FAM120C: variants seen among roughly 807,000 people sequenced by gnomAD.
FAM120C encodes constitutive coactivator of PPAR-gamma-like protein 2.
A neutral mutation model predicts 71.2 loss-of-function variants in FAM120C; 14 were observed. That is an observed-to-expected ratio of 0.20 (90% CI 0.13 to 0.31). The LOEUF (loss-of-function observed/expected upper bound fraction) is 0.31. Ranked by LOEUF, FAM120C falls within the 10% of genes least tolerant of loss-of-function variation. FAM120C has a pLI of 1.00. For missense variants in FAM120C, 500 were observed against 879.0 expected, an observed-to-expected ratio of 0.57 and a Z score of 5.45; for synonymous variants, 354 against 353.2, an observed-to-expected ratio of 1.00 and a Z score of -0.03.
chrX:54,164,232 T>A (rs782578198), intron 1 of FAM120C, among the ~76,000 whole-genome samples: 1 of 112,042 alleles, frequency 8.9e-6, no homozygotes, highest in Admixed American at 9.5e-5. Context: ...GTGCCTGGCC[T>A]TTTTATGGTA....
At chrX:54,159,228 T>C in intron 2 of FAM120C, 142 bp downstream of exon 2, 1 of 749,260 alleles carries the variant, frequency 1.3e-6, no homozygotes, top group Non-Finnish European at 1.9e-6. Flanking sequence ...AAAACCATGC[T>C]GAGTTCTCCC....
At chrX:54,157,520 G>A (rs1482920482) in intron 3 of FAM120C, among the ~76,000 whole-genome samples, 169 bp downstream of exon 3, 4 of 111,875 alleles carry the variant, frequency 3.6e-5, no homozygotes, top group Non-Finnish European at 5.6e-5. Context: ...CTCCCAAAGT[G>A]CTGGGATTAC....
At chrX:54,148,637 A>T (rs904442843) in intron 4 of FAM120C, among the ~76,000 whole-genome samples, 6 of 111,834 alleles carry the variant, frequency 5.4e-5, no homozygotes, top group African/African-American at 2.0e-4. Flanking sequence ...ATAAAGTGAG[A>T]CTGTGTCTCA....
chrX:54,113,402 G>A (rs2066949040), intron 10 of FAM120C, among the ~76,000 whole-genome samples: 1 of 109,452 alleles, frequency 9.1e-6, no homozygotes, highest in Non-Finnish European at 1.9e-5. Context: ...TGAGGCTGCA[G>A]TGAGCCAAGA....
intron 10 of FAM120C, among the ~76,000 whole-genome samples, chrX:54,093,304 G>A (rs1453394056): frequency 8.9e-6 from 1 of 111,877 alleles, no homozygotes; most frequent in Non-Finnish European, 1.9e-5. Flanking sequence ...AAGGAGTCAA[G>A]TGTGGGAGAA....
chrX:54,174,195 A>T (rs908915152), intron 1 of FAM120C: 2 of 510,404 alleles, frequency 3.9e-6, no homozygotes, highest in Non-Finnish European at 7.0e-6. Context: ...AGAGAGAGAG[A>T]GTGCAAACAA....
chrX:54,163,883 G>A (rs1470876514), intron 1 of FAM120C, among the ~76,000 whole-genome samples: 1 of 82,844 alleles, frequency 1.2e-5, no homozygotes, highest in African/African-American at 1.1e-4. Flanking sequence ...TCCTTTTTAT[G>A]TTGTGTGTGT....
At chrX:54,080,715 C>T (rs2066760121) in intron 14 of FAM120C, among the ~76,000 whole-genome samples, 1 of 109,156 alleles carries the variant, frequency 9.2e-6, no homozygotes, top group Non-Finnish European at 1.9e-5. Flanking sequence ...AAAAATTAGC[C>T]TGGCATGGTG....
At chrX:54,179,913 T>C (rs2067338688) in intron 1 of FAM120C, among the ~76,000 whole-genome samples, 1 of 112,063 alleles carries the variant, frequency 8.9e-6, no homozygotes, top group Non-Finnish European at 1.9e-5. Flanking sequence ...CCCCAACATT[T>C]TATTATGAAA....
chrX:54,139,329 T>TTTTATTTA (rs375711849), intron 4 of FAM120C, among the ~76,000 whole-genome samples: 17,418 of 88,808 alleles, frequency 0.2, 1,485 homozygotes, highest in East Asian at 0.3. Flanking sequence ...TTTTTTTTGC[T>TTTTATTTA]TTTATTTATT....
chrX:54,094,116 A>T (rs1357888907), intron 10 of FAM120C, among the ~76,000 whole-genome samples: 5 of 68,570 alleles, frequency 7.3e-5, no homozygotes, highest in Non-Finnish European at 1.0e-4. Flanking sequence ...TCTGAGACGG[A>T]GTCTCGCTCT....
At position 54,135,429 on chromosome X, in the gene FAM120C, A is replaced by G; in HGVS notation, c.1335+99T>C. ...AGGTAATATAGTATATATAGCCCTG[A>G]CAGTCTAATAACACTGAATCACCCT... On this transcript the variant is annotated intron_variant, in intron 6 of 15. Coordinates refer to ENST00000375180, the MANE Select transcript of FAM120C (RefSeq NM_017848.6). 4 of 756,122 alleles carry G rather than the reference A, an allele frequency of 5.3e-6. No homozygotes were observed. The Admixed American group carries it at 9.5e-5, about 18-fold the overall frequency. The allele number at this position is 756,122 out of a possible 1,213,427, so 62.3% of individuals were successfully genotyped here. A position where few individuals can be genotyped will look rare whatever the true frequency, so the allele number is the denominator to read the frequency against.
At chrX:54,136,297 G>C (rs2067094279) in intron 5 of FAM120C, among the ~76,000 whole-genome samples, 194 bp downstream of exon 5, 1 of 111,474 alleles carries the variant, frequency 9.0e-6, no homozygotes, top group African/African-American at 3.3e-5. Context: ...ACTGTGCCTG[G>C]CCAGGGCCCT....
intron 10 of FAM120C, among the ~76,000 whole-genome samples, chrX:54,102,839 C>G (rs2066888854): frequency 2.0e-5 from 2 of 101,717 alleles, no homozygotes; most frequent in Admixed American, 2.2e-4. Context: ...CCTGCCTCAG[C>G]CTCCTGAGTA....
intron 10 of FAM120C, among the ~76,000 whole-genome samples, chrX:54,106,317 C>T (rs1438519699): frequency 8.9e-6 from 1 of 111,844 alleles, no homozygotes; most frequent in African/African-American, 3.2e-5. Flanking sequence ...GGAAAGAATT[C>T]CCTATTTAAT....
chrX:54,169,246 C>T (rs1470725607), intron 1 of FAM120C, among the ~76,000 whole-genome samples: 3 of 110,803 alleles, frequency 2.7e-5, no homozygotes, highest in East Asian at 2.8e-4. Flanking sequence ...TGCAGTGAGC[C>T]GAGATCATGC....
At chrX:54,171,458 G>A (rs1465967633) in intron 1 of FAM120C, 1 of 112,169 alleles carries the variant, frequency 8.9e-6, no homozygotes, top group Non-Finnish European at 1.9e-5. Context: ...AGCTGTGGGT[G>A]TTTATACATG....
At chrX:54,129,776 G>A (rs1457260145) in intron 9 of FAM120C, among the ~76,000 whole-genome samples, 2 of 112,363 alleles carry the variant, frequency 1.8e-5, no homozygotes, top group East Asian at 5.7e-4. Context: ...CCGGCTCCTC[G>A]GGAGGCCGAG....
Position 54,072,803 on chromosome X carries a change from C to A in FAM120C, c.*230G>T. 1 of 359,568 alleles carries A rather than the reference C, an allele frequency of 2.8e-6. No individual in the cohort carries two copies. Among genetic ancestry groups the A allele is most frequent in the Non-Finnish European group, 4.8e-6 (1 of 208,404 alleles). 29.6% of individuals were successfully genotyped at this position (359,568 alleles called of 1,213,427 possible). Reference sequence around the variant, plus strand: ...TATATCTTCAATTTGAGACTAGGACCTAGTCTTACTGCCATTCATCTTTGA... The same window carrying A: ...TATATCTTCAATTTGAGACTAGGACATAGTCTTACTGCCATTCATCTTTGA... On this transcript the variant is annotated 3_prime_UTR_variant, in exon 16 of 16. Transcript: ENST00000375180.
Sources: gnomAD v4.1 joint callset for allele counts (sites outside exome capture counted in the v4.1 genomes callset) on GRCh38, gnomAD v4.1.1 for gene constraint, MANE v1.5 for transcripts, NCBI Gene and HGNC (gene_info 2026-07-23, HGNC 2026-07-21) for gene names.